The following FRMPD2 variants were observed in gnomAD, a reference collection of about 807,000 sequenced individuals.
FRMPD2 encodes the protein FERM and PDZ domain-containing protein 2.
A neutral mutation model predicts 140.1 loss-of-function variants in FRMPD2; 96 were observed. The ratio of observed to expected loss-of-function variants is 0.69; its 90% CI spans 0.58 to 0.81. FRMPD2 has a LOEUF of 0.81. FRMPD2 is among the 40% of genes least tolerant of loss of function. FRMPD2 has a pLI of 0.00. For missense variants in FRMPD2, 1,240 were observed against 1,447.4 expected (o/e 0.86, Z 2.32); for synonymous variants, 449 against 547.6 (o/e 0.82, Z 2.52).
At chr10:48,245,408 T>G (rs1367022) in intron 3 of FRMPD2, among the ~76,000 whole-genome samples, 2,632 of 152,320 alleles carry the variant, frequency 0.017, 86 homozygotes, top group African/African-American at 0.059. Context: ...CACATTACAG[T>G]TCAGCCTGAT....
At chr10:48,215,427 C>T (rs371151643) in intron 12 of FRMPD2, among the ~76,000 whole-genome samples, 7 of 152,322 alleles carry the variant, frequency 4.6e-5, no homozygotes, top group South Asian at 2.1e-4. Context: ...GCCCTGGTTG[C>T]GCTCTTTCTA....
At chr10:48,196,434 TCC>T (rs1838952492) in intron 15 of FRMPD2, among the ~76,000 whole-genome samples, 1 of 152,222 alleles carries the variant, frequency 6.6e-6, no homozygotes, top group Non-Finnish European at 1.5e-5. Flanking sequence ...GTGACGTGCC[TCC>T]ATTTCAAGGA....
intron 15 of FRMPD2, among the ~76,000 whole-genome samples, chr10:48,195,815 C>T (rs910824813): frequency 1.3e-5 from 2 of 152,238 alleles, no homozygotes; most frequent in East Asian, 3.8e-4. Flanking sequence ...TTAACCACTT[C>T]CCATTTGACA....
Position 48,239,633 on chromosome 10 carries a change from G to A in FRMPD2, c.760C>T (p.His254Tyr). 2 of 1,614,146 alleles carry A rather than the reference G, an allele frequency of 1.2e-6. No homozygotes were observed. Among genetic ancestry groups the A allele is most frequent in the Non-Finnish European group, 1.7e-6 (2 of 1,179,978 alleles). The change falls in exon 7 of 29, where the codon CAC (histidine) becomes TAC (tyrosine). Residue 254 changes from histidine (H) to tyrosine (Y), a missense_variant. By Grantham distance (83) the His-to-Tyr change is moderately conservative (BLOSUM62 2). Around this residue, in one of 6 missense-constraint regions of FRMPD2, gnomAD observed 1,161 missense variants for 1,055.9 expected, o/e 1.10. Coordinates refer to ENST00000374201, the MANE Select transcript of FRMPD2 (RefSeq NM_001018071.4). ...TTAACAAGGAGGCTGCAGTGACTGTGTGTCAAGGTGCTCCAATGGGGCTCT... is the reference window on the plus strand; with the variant it reads ...TTAACAAGGAGGCTGCAGTGACTGTATGTCAAGGTGCTCCAATGGGGCTCT... Reference protein sequence around the residue: ...SPEPHWSTLTHSHCSLLVNRA... With the variant: ...SPEPHWSTLTYSHCSLLVNRA...
At chr10:48,173,453 T>C (rs1216717104) in intron 24 of FRMPD2, among the ~76,000 whole-genome samples, 1 of 150,264 alleles carries the variant, frequency 6.7e-6, no homozygotes, top group African/African-American at 2.4e-5. Context: ...CTCTCCCCCA[T>C]CTGGTTTCTA....
At chr10:48,271,261 C>A (rs962068818) in intron 1 of FRMPD2, among the ~76,000 whole-genome samples, 1 of 152,218 alleles carries the variant, frequency 6.6e-6, no homozygotes, top group African/African-American at 2.4e-5. Context: ...CTTCTTCCCC[C>A]ACTGGCTGAA....
chr10:48,260,445 C>A (rs1040744660), intron 1 of FRMPD2, among the ~76,000 whole-genome samples: 1 of 152,142 alleles, frequency 6.6e-6, no homozygotes, highest in African/African-American at 2.4e-5. Context: ...TGTCTCCTTC[C>A]TGTGTCTTTT....
In FRMPD2 at chr10:48,181,012, TA is replaced by T. The variant is rs1225153347; in HGVS notation, c.2585-5del. The T allele has an allele frequency of 4.0e-6, 5 of 1,261,732 alleles. No homozygotes were observed. Among genetic ancestry groups the T allele is most frequent in the Non-Finnish European group, 5.8e-6 (5 of 860,230 alleles). 78.2% of individuals were successfully genotyped at this position (1,261,732 alleles called of 1,614,324 possible). A position where few individuals can be genotyped will look rare whatever the true frequency, so the allele number is the denominator to read the frequency against. On this transcript the variant is annotated splice_region_variant and splice_polypyrimidine_tract_variant and intron_variant, in intron 20 of 28. Transcript: ENST00000374201. ...TCTGGGTTATTTCCACCAACACCTATAAAAACAAGCCAAGAAAAAGTCAACA... is the reference window on the plus strand; with the variant it reads ...TCTGGGTTATTTCCACCAACACCTATAAAACAAGCCAAGAAAAAGTCAACA...
chr10:48,239,523 T>G, intron 7 of FRMPD2, 82 bp downstream of exon 7: 1 of 927,342 alleles, frequency 1.1e-6, no homozygotes, highest in South Asian at 1.6e-5. Context: ...TTACTAATAA[T>G]CAGTAAAGAA....
chr10:48,213,127 G>A (rs1403654343), intron 12 of FRMPD2, among the ~76,000 whole-genome samples: 1 of 152,152 alleles, frequency 6.6e-6, no homozygotes, highest in Non-Finnish European at 1.5e-5. Context: ...GAAGAGAAGA[G>A]CACAGTGTCC....
intron 9 of FRMPD2, 145 bp from the exon 10 acceptor site, chr10:48,232,434 C>G (rs1038434223): frequency 2.9e-5 from 19 of 646,688 alleles, no homozygotes; most frequent in Non-Finnish European, 1.8e-5. Context: ...AATTCCTATG[C>G]AGCAGATGAG....
chr10:48,257,601 G>A (rs1264449324), intron 1 of FRMPD2, among the ~76,000 whole-genome samples: 1 of 151,938 alleles, frequency 6.6e-6, no homozygotes, highest in Middle Eastern at 3.2e-3. Context: ...TTTTTTAGAG[G>A]GAGGCTTTAT....
chr10:48,249,162 CA>C lies in FRMPD2; in HGVS notation c.167del (p.Val56GlyfsTer24). On this transcript the variant is annotated frameshift_variant, in exon 3 of 29. Transcript: ENST00000374201. LOFTEE classifies it high-confidence loss of function. ...EDLRNDSSDYVVCPWSALLSA... is the reference protein window; with the variant it reads ...EDLRNDSSDYXVCPWSALLSA... ...AAAGCAGGGCTGACCAGGGGCAAACCACATAGTCCGAGGAATCTGAAACCAA... is the reference window on the plus strand; with the variant it reads ...AAAGCAGGGCTGACCAGGGGCAAACCCATAGTCCGAGGAATCTGAAACCAA... 6.2e-7 allele frequency: 1 copy of C among 1,613,924 alleles called. No individual in the cohort carries two copies. The highest frequency in any genetic ancestry group is 8.5e-7 in the Non-Finnish European group (1 of 1,179,926).
intron 1 of FRMPD2, among the ~76,000 whole-genome samples, chr10:48,267,372 T>C (rs2131988266): frequency 6.6e-6 from 1 of 152,152 alleles, no homozygotes; most frequent in Non-Finnish European, 1.5e-5. Context: ...ATAACCAACA[T>C]TAGAAACACT....
At chr10:48,199,216 A>G (rs765460242) in intron 15 of FRMPD2, among the ~76,000 whole-genome samples, 1 of 151,300 alleles carries the variant, frequency 6.6e-6, no homozygotes, top group Non-Finnish European at 1.5e-5. Flanking sequence ...AAATCTGCAC[A>G]TGTACCCCCT....
At chr10:48,203,771 T>G (rs576656756) in intron 14 of FRMPD2, among the ~76,000 whole-genome samples, 30 of 152,174 alleles carry the variant, frequency 2.0e-4, no homozygotes, top group Non-Finnish European at 3.2e-4. Context: ...GGAGGAGCCC[T>G]GGCAATGCAT....
chr10:48,170,752 A>G (rs1342117000), intron 26 of FRMPD2, among the ~76,000 whole-genome samples: 1 of 151,512 alleles, frequency 6.6e-6, no homozygotes. Context: ...CCAGGGCTTT[A>G]TCTTCAGCTT....
chr10:48,253,776 T>C (rs1840435957), intron 1 of FRMPD2, among the ~76,000 whole-genome samples: 1 of 151,946 alleles, frequency 6.6e-6, no homozygotes, highest in African/African-American at 2.4e-5. Flanking sequence ...GGAGCACCCA[T>C]AAAGATAATA....
rs1286619766 is a variant in FRMPD2, at chr10:48,181,057, C to G, written c.2585-49G>C. 2.3e-6 allele frequency: 3 copies of G among 1,329,066 alleles called. No homozygotes were observed. The African/African-American group carries it at 4.3e-5, about 19-fold the overall frequency. The allele number at this position is 1,329,066 out of a possible 1,614,324, so 82.3% of individuals were successfully genotyped here. A position where few individuals can be genotyped will look rare whatever the true frequency, so the allele number is the denominator to read the frequency against. ...GTCAACAGCTTAAAAAGGCCGGTTT[C>G]TTGGTGGCATCTCTATGTGGGCACA... On this transcript the variant is annotated intron_variant, in intron 20 of 28. Coordinates refer to ENST00000374201, the MANE Select transcript of FRMPD2 (RefSeq NM_001018071.4).
Sources: allele counts gnomAD v4.1 joint callset (sites outside exome capture counted in the v4.1 genomes callset), GRCh38; gene constraint gnomAD v4.1.1; regional missense constraint gnomAD v4.1.1; transcripts MANE v1.5; gene names NCBI Gene and HGNC (gene_info 2026-07-23, HGNC 2026-07-21).